Variants in GABRB2 observed in about 807,000 individuals in gnomAD.
GABRB2 encodes the protein gamma-aminobutyric acid type A receptor subunit beta2, also known as gamma-aminobutyric acid receptor subunit beta-2.
A neutral mutation model predicts 54.7 loss-of-function variants in GABRB2; 16 were observed. The ratio of observed to expected loss-of-function variants is 0.29; its 90% CI spans 0.20 to 0.44. GABRB2 has a LOEUF of 0.44. Among genes scored for constraint, GABRB2 ranks in the 20% least tolerant of loss-of-function variants. GABRB2 has a pLI of 1.00. For synonymous variants in GABRB2, 244 were observed against 233.8 expected, an observed-to-expected ratio of 1.04 and a Z score of -0.40; for missense variants, 355 against 644.0, an observed-to-expected ratio of 0.55 and a Z score of 4.86.
At chr5:161,481,257 G>A (rs35387373) in intron 3 of GABRB2, among the ~76,000 whole-genome samples, 3,304 of 152,064 alleles carry the variant, frequency 0.022, 59 homozygotes, top group Non-Finnish European at 0.034. Context: ...GAAGCCAACT[G>A]GCAGAATCTT....
intron 3 of GABRB2, among the ~76,000 whole-genome samples, chr5:161,471,820 C>T (rs978117474): frequency 3.3e-5 from 5 of 151,862 alleles, no homozygotes; most frequent in African/African-American, 1.2e-4. Context: ...TCAATTTGTG[C>T]TTTTTATTGC....
intron 4 of GABRB2, among the ~76,000 whole-genome samples, chr5:161,451,416 T>G (rs1378835728): frequency 2.0e-5 from 3 of 152,188 alleles, no homozygotes; most frequent in Non-Finnish European, 4.4e-5. Context: ...AAGAAAGTCA[T>G]TCCTTCCATA....
chr5:161,294,477 A>C (rs755304784), intron 9 of GABRB2, 49 bp from the exon 10 acceptor site: 1 of 1,513,536 alleles, frequency 6.6e-7, no homozygotes, highest in Non-Finnish European at 9.1e-7. Flanking sequence ...GAAGCTTTAC[A>C]GGTGCTTACT....
intron 3 of GABRB2, among the ~76,000 whole-genome samples, chr5:161,539,335 C>A (rs1254508297): frequency 1.3e-5 from 2 of 152,176 alleles, no homozygotes; most frequent in Non-Finnish European, 2.9e-5. Flanking sequence ...CACATTCTTC[C>A]AAAGATCTAT....
intron 3 of GABRB2, among the ~76,000 whole-genome samples, chr5:161,521,751 C>A (rs1233421802): frequency 2.0e-5 from 3 of 151,886 alleles, no homozygotes; most frequent in Non-Finnish European, 4.4e-5. Context: ...GCTCTTAATG[C>A]ATGGTAAAAG....
At chr5:161,508,394 T>C (rs1019812880) in intron 3 of GABRB2, among the ~76,000 whole-genome samples, 1 of 150,138 alleles carries the variant, frequency 6.7e-6, no homozygotes, top group Non-Finnish European at 1.5e-5. Flanking sequence ...TGAATAGCAA[T>C]GTTGTCCCAA....
At chr5:161,514,727 G>A (rs1004342029) in intron 3 of GABRB2, among the ~76,000 whole-genome samples, 12 of 152,242 alleles carry the variant, frequency 7.9e-5, no homozygotes, top group African/African-American at 2.4e-4. Context: ...TCATGGCTAT[G>A]AGGTCTCCCA....
intron 5 of GABRB2, among the ~76,000 whole-genome samples, chr5:161,343,192 C>T (rs1051920641): frequency 6.6e-6 from 1 of 152,014 alleles, no homozygotes; most frequent in African/African-American, 2.4e-5. Context: ...CTTCACTCTG[C>T]TCTTTAGATG....
At chr5:161,458,317 A>G (rs139082192) in intron 4 of GABRB2, among the ~76,000 whole-genome samples, 3 of 152,140 alleles carry the variant, frequency 2.0e-5, no homozygotes, top group Non-Finnish European at 4.4e-5. Flanking sequence ...TCTCTCTTCT[A>G]TTTCCTTCTT....
At chr5:161,547,599 G>T (rs1391793382), upstream of GABRB2, among the ~76,000 whole-genome samples, 1 of 152,244 alleles carries the variant, frequency 6.6e-6, no homozygotes, top group East Asian at 1.9e-4. Context: ...GGAGCAGAAA[G>T]GCAATGCTGT....
chr5:161,436,755 T>C (rs1216239678), intron 4 of GABRB2, among the ~76,000 whole-genome samples: 1 of 152,156 alleles, frequency 6.6e-6, no homozygotes, highest in East Asian at 1.9e-4. Flanking sequence ...AAAAAAGAGT[T>C]TGAATTGCTA....
chr5:161,325,673 T>C (rs975377019), intron 9 of GABRB2, among the ~76,000 whole-genome samples: 8 of 152,228 alleles, frequency 5.3e-5, no homozygotes, highest in African/African-American at 1.9e-4. Context: ...ACAATTATCA[T>C]TTTCCTCCTT....
At position 161,526,352 on chromosome 5, in the gene GABRB2, G is replaced by A. The variant is rs1760280019; in HGVS notation, c.237+18875C>T. On this transcript the variant is annotated intron_variant, in intron 3 of 9. Transcript: ENST00000393959. ...GCCTCTGAATGTAAGTCATGTCCTG[G>A]TTTAGTATTGAATGGAGACAAGTTA... Among the ~76,000 whole-genome samples the A allele has an allele frequency of 2.0e-5, 3 of 151,470 alleles. No homozygotes were observed. The South Asian group carries it at 6.2e-4, about 31-fold the overall frequency.
At chr5:161,410,185 C>T (rs891458098) in intron 5 of GABRB2, among the ~76,000 whole-genome samples, 1 of 152,096 alleles carries the variant, frequency 6.6e-6, no homozygotes, top group Non-Finnish European at 1.5e-5. Context: ...AGTATGGAAA[C>T]ATTGCAAAGA....
At chr5:161,434,313 TA>T (rs1044880456) in intron 4 of GABRB2, among the ~76,000 whole-genome samples, 1 of 152,218 alleles carries the variant, frequency 6.6e-6, no homozygotes, top group African/African-American at 2.4e-5. Flanking sequence ...TCAAAAATTC[TA>T]AATTGATTTC....
chr5:161,509,353 A>G (rs909634658), intron 3 of GABRB2, among the ~76,000 whole-genome samples: 5 of 151,944 alleles, frequency 3.3e-5, no homozygotes, highest in African/African-American at 1.2e-4. Context: ...TAATGTGTAG[A>G]TCCCTGGATG....
intron 9 of GABRB2, among the ~76,000 whole-genome samples, chr5:161,312,620 C>A (rs1158601718): frequency 2.0e-5 from 3 of 152,162 alleles, no homozygotes; most frequent in Non-Finnish European, 2.9e-5. Flanking sequence ...TGGGCCTCAA[C>A]TTTTTCACGT....
chr5:161,503,515 C>G (rs1238338704), intron 3 of GABRB2, among the ~76,000 whole-genome samples: 1 of 151,926 alleles, frequency 6.6e-6, no homozygotes. Context: ...TTGAGAACAG[C>G]CTGACCAACT....
chr5:161,423,406 T>G (rs1400948985), intron 4 of GABRB2, among the ~76,000 whole-genome samples: 1 of 152,194 alleles, frequency 6.6e-6, no homozygotes, highest in African/African-American at 2.4e-5. Context: ...CAAGTCTATT[T>G]GTTCCCATTT....
Sources: allele counts gnomAD v4.1 joint callset (sites outside exome capture counted in the v4.1 genomes callset), GRCh38; gene constraint gnomAD v4.1.1; transcripts MANE v1.5; gene names NCBI Gene and HGNC (gene_info 2026-07-23, HGNC 2026-07-21).